SPAG7: variants seen among roughly 807,000 people sequenced by gnomAD.
SPAG7 encodes the protein sperm associated antigen 7.
Under a neutral mutation model 30.6 loss-of-function variants are expected in SPAG7, and 20 were observed. The observed-to-expected ratio is 0.65, with a 90% CI of 0.46 to 0.95. SPAG7 has a LOEUF of 0.95. SPAG7 is among the 40% of genes least tolerant of loss of function. SPAG7 has a pLI of 0.00. For synonymous variants in SPAG7, 127 were observed against 104.2 expected, an observed-to-expected ratio of 1.22 and a Z score of -1.33; for missense variants, 276 against 291.1, an observed-to-expected ratio of 0.95 and a Z score of 0.38.
rs1971828417 is a variant in SPAG7, at chr17:4,959,762, C to T, written c.572G>A (p.Cys191Tyr). The T allele has an allele frequency of 6.2e-7, 1 of 1,614,200 alleles. No homozygotes were observed. The highest frequency in any genetic ancestry group is 2.2e-5 in the East Asian group (1 of 44,880). Residue 191 changes from cysteine (C) to tyrosine (Y), a missense_variant and splice_region_variant, in exon 6 of 7, where the codon TGT becomes TAT. Cys to Tyr is a radical substitution (Grantham distance 194). Coordinates refer to ENST00000206020, the MANE Select transcript of SPAG7 (RefSeq NM_004890.3). ...CCCCAGCCGCACTGTGGCCTCACCA[C>T]AGCCGTAGGTCTTATTGGCCTGTAG... ...HMLQANKTYG[C>Y]VPVANKRDTR...
chr17:4,967,218 G>A, intron 1 of SPAG7: 1 of 991,270 alleles, frequency 1.0e-6, no homozygotes, highest in Non-Finnish European at 1.2e-6. Flanking sequence ...TAAGCAGGAG[G>A]GGCAAGAACA....
intron 1 of SPAG7, among the ~76,000 whole-genome samples, chr17:4,963,235 A>T (rs759121516): frequency 6.6e-5 from 10 of 152,214 alleles, no homozygotes; most frequent in Non-Finnish European, 1.3e-4. Context: ...TCTATAAAAA[A>T]TAAAGAATTA....
In SPAG7 at chr17:4,959,745, G is replaced by T; in HGVS notation, c.574+15C>A. The T allele has an allele frequency of 6.2e-7, 1 of 1,614,060 alleles. No homozygotes were observed. Among genetic ancestry groups the T allele is most frequent in the Non-Finnish European group, 8.5e-7 (1 of 1,179,998 alleles). ...GCTCCTCTCCCAGCCACCCCCAGCC[G>T]CACTGTGGCCTCACCACAGCCGTAG... On this transcript the variant is annotated intron_variant, in intron 6 of 6. Coordinates refer to ENST00000206020, the MANE Select transcript of SPAG7 (RefSeq NM_004890.3).
At chr17:4,967,559 G>A (rs75042314) in intron 1 of SPAG7, among the ~76,000 whole-genome samples, 161 bp downstream of exon 1, 3,520 of 152,138 alleles carry the variant, frequency 0.023, 138 homozygotes, top group African/African-American at 0.08. Context: ...TGTCCGCTAA[G>A]AACAGCGGGC....
In SPAG7 at chr17:4,960,916, G is replaced by A. The variant is rs1282405939; in HGVS notation, c.86-63C>T. 45 of 1,461,776 alleles carry A rather than the reference G, an allele frequency of 3.1e-5. 1 individual carries two copies. The South Asian group carries it at 4.9e-4, about 16-fold the overall frequency. The allele number at this position is 1,461,776 out of a possible 1,614,324, so 90.6% of individuals were successfully genotyped here. ...AAGCATGGGTGGGAAAGGTTTCTAA[G>A]GCTTCAAGTGAAGTGTGGTGTCCAC... On this transcript the variant is annotated intron_variant, in intron 1 of 6. Coordinates refer to ENST00000206020, the MANE Select transcript of SPAG7 (RefSeq NM_004890.3).
At chr17:4,965,834 ATTTAT>A (rs1468332041) in intron 1 of SPAG7, 1 of 146,048 alleles carries the variant, frequency 6.8e-6, no homozygotes, top group Non-Finnish European at 1.5e-5. Flanking sequence ...ATGTTTATTT[ATTTAT>A]TTATTTATTT....
At chr17:4,967,269 G>C in intron 1 of SPAG7, 2 of 997,790 alleles carry the variant, frequency 2.0e-6, no homozygotes, top group Non-Finnish European at 2.4e-6. Context: ...GCAGGCTGGG[G>C]TGGTTTCGAA....
chr17:4,960,148 C>G, intron 4 of SPAG7, 37 bp from the exon 5 acceptor site: 1 of 1,604,024 alleles, frequency 6.2e-7, no homozygotes, highest in Non-Finnish European at 8.5e-7. Flanking sequence ...AGAGTCCATA[C>G]AAATGTTTCA....
intron 5 of SPAG7, 43 bp from the exon 6 acceptor site, chr17:4,959,959 C>G: frequency 6.2e-7 from 1 of 1,613,144 alleles, no homozygotes; most frequent in Non-Finnish European, 8.5e-7. Context: ...GGCCCCAGCC[C>G]AAACCCCCAC....
At chr17:4,964,846 A>C (rs1167116339) in intron 1 of SPAG7, among the ~76,000 whole-genome samples, 422 of 123,204 alleles carry the variant, frequency 3.4e-3, no homozygotes, top group Middle Eastern at 6.3e-3. Flanking sequence ...AGTGATTCTC[A>C]TGCCTCAGCC....
At position 4,959,470 on chromosome 17, in the gene SPAG7, A is replaced by G; in HGVS notation, c.*64T>C. The G allele has an allele frequency of 7.5e-7, 1 of 1,335,486 alleles. No individual in the cohort carries two copies. The highest frequency in any genetic ancestry group is 1.1e-6 in the Non-Finnish European group (1 of 939,274). The allele number at this position is 1,335,486 out of a possible 1,614,324, so 82.7% of individuals were successfully genotyped here. On this transcript the variant is annotated 3_prime_UTR_variant, in exon 7 of 7. Transcript: ENST00000206020. ...GGGCTCCAGGATGGGCTCTAATAGC[A>G]GCAGCCTTGTCTCTCCCTGCCCCCT... is the stretch of plus-strand genomic sequence containing the variant.
At chr17:4,966,501 A>G in intron 1 of SPAG7, 4 of 810,976 alleles carry the variant, frequency 4.9e-6, no homozygotes, top group Non-Finnish European at 6.0e-6. Context: ...GCATTAGAGA[A>G]TTCCAGTTCC....
Position 4,959,266 on chromosome 17 carries a change from C to T in SPAG7, c.*268G>A. 1 of 544,346 alleles carries T rather than the reference C, an allele frequency of 1.8e-6. No individual in the cohort carries two copies. Among genetic ancestry groups the T allele is most frequent in the Middle Eastern group, 4.8e-4 (1 of 2,068 alleles). 33.7% of individuals were successfully genotyped at this position (544,346 alleles called of 1,614,324 possible). ...TTTATTGAATGTAAAGTACCCCAGC[C>T]CCATGGGGAAGAAAATTCCAAGAAC... On this transcript the variant is annotated 3_prime_UTR_variant, in exon 7 of 7. Transcript: ENST00000206020.
chr17:4,959,488 T>C lies in SPAG7; in HGVS notation c.*46A>G, dbSNP rs746205054. ...TAATAGCAGCAGCCTTGTCTCTCCC[T>C]GCCCCCTGCCCTGCCCCAGGGGTCA... is the stretch of plus-strand genomic sequence containing the variant. On this transcript the variant is annotated 3_prime_UTR_variant, in exon 7 of 7. Transcript: ENST00000206020. 13 of 1,502,418 alleles carry C rather than the reference T, an allele frequency of 8.7e-6. No individual in the cohort carries two copies. Among genetic ancestry groups the C allele is most frequent in the African/African-American group, 4.1e-5 (3 of 72,788 alleles). The allele number at this position is 1,502,418 out of a possible 1,614,324, so 93.1% of individuals were successfully genotyped here. A position where few individuals can be genotyped will look rare whatever the true frequency, so the allele number is the denominator to read the frequency against.
chr17:4,964,958 G>A (rs567487423), intron 1 of SPAG7, among the ~76,000 whole-genome samples: 2 of 151,462 alleles, frequency 1.3e-5, no homozygotes, highest in Admixed American at 6.6e-5. Flanking sequence ...TGCCCAGGCT[G>A]GAGTGCAATG....
chr17:4,963,930 T>C (rs901324452), intron 1 of SPAG7, among the ~76,000 whole-genome samples: 2 of 152,136 alleles, frequency 1.3e-5, no homozygotes, highest in Non-Finnish European at 2.9e-5. Flanking sequence ...TCAAGGTATC[T>C]GCCTGCCTCT....
Position 4,959,812 on chromosome 17 carries a change from T to C in SPAG7, c.522A>G (p.Gly174=), listed in dbSNP as rs1971829187. ...KDKYSHLIGK[G]AAKDAAHMLQ... is the part of the protein sequence containing the mutation. ...GCATGTGGGCTGCGTCTTTGGCTGC[T>C]CCCTTGCCGATGAGGTGGCTGTACT... Residue 174 remains glycine, a synonymous_variant, in exon 6 of 7, where the codon GGA becomes GGG. Transcript: ENST00000206020. 6.2e-7 allele frequency: 1 copy of C among 1,614,164 alleles called. No homozygotes were observed. The highest frequency in any genetic ancestry group is 8.5e-7 in the Non-Finnish European group (1 of 1,180,022).
chr17:4,960,898 G>C (rs1440396670), intron 1 of SPAG7, 45 bp from the exon 2 acceptor site: 9 of 1,567,420 alleles, frequency 5.7e-6, no homozygotes, highest in Non-Finnish European at 7.9e-6. Flanking sequence ...TGGAAGCATG[G>C]GTGGGAAAGG....
Position 4,959,932 on chromosome 17 carries a change from G to A in SPAG7, c.418-16C>T, listed in dbSNP as rs1971833014. 6.2e-7 allele frequency: 1 copy of A among 1,612,822 alleles called. No individual in the cohort carries two copies. ...GGGCCAGCTCCTAGGGGTGAAAGTG[G>A]GGGCACTGGTGCTCAGGGCCCCAGC... On this transcript the variant is annotated splice_polypyrimidine_tract_variant and intron_variant, in intron 5 of 6. Transcript: ENST00000206020.
Sources: allele counts gnomAD v4.1 joint callset (sites outside exome capture counted in the v4.1 genomes callset), GRCh38; gene constraint gnomAD v4.1.1; transcripts MANE v1.5; gene names NCBI Gene and HGNC (gene_info 2026-07-23, HGNC 2026-07-21).